SNTG1: variants seen among roughly 807,000 people sequenced by gnomAD.
SNTG1 encodes the protein gamma-1-syntrophin.
A neutral mutation model predicts 74.7 loss-of-function variants in SNTG1; 39 were observed. The observed-to-expected ratio is 0.52, with a 90% CI of 0.40 to 0.68. SNTG1 has a LOEUF of 0.68. Among genes scored for constraint, SNTG1 ranks in the 30% least tolerant of loss-of-function variants. The pLI is 0.00. For synonymous variants in SNTG1, 254 were observed against 217.1 expected (o/e 1.17, Z -1.49); for missense variants, 685 against 609.5 (o/e 1.12, Z -1.30).
At chr8:50,034,209 A>T (rs1817965211) in intron 1 of SNTG1, among the ~76,000 whole-genome samples, 2 of 152,206 alleles carry the variant, frequency 1.3e-5, no homozygotes, top group Non-Finnish European at 2.9e-5. Flanking sequence ...CAGCAATTGG[A>T]TCATCAAATT....
At chr8:50,680,660 G>C (rs892394550) in intron 15 of SNTG1, among the ~76,000 whole-genome samples, 1 of 152,122 alleles carries the variant, frequency 6.6e-6, no homozygotes, top group Non-Finnish European at 1.5e-5. Context: ...TTCGGAGGCA[G>C]TCTATCTCTA....
intron 1 of SNTG1, among the ~76,000 whole-genome samples, chr8:50,046,077 C>T (rs1464388603): frequency 6.6e-6 from 1 of 152,194 alleles, no homozygotes; most frequent in Non-Finnish European, 1.5e-5. Flanking sequence ...TTATCTTGTG[C>T]TTGTGATCTA....
intron 18 of SNTG1, among the ~76,000 whole-genome samples, chr8:50,788,530 G>C (rs2095682302): frequency 6.6e-6 from 1 of 151,942 alleles, no homozygotes. Flanking sequence ...AAGCGTGTGG[G>C]AGTTGTTTAT....
intron 18 of SNTG1, among the ~76,000 whole-genome samples, chr8:50,787,538 A>C (rs2095679111): frequency 1.3e-5 from 2 of 152,122 alleles, no homozygotes; most frequent in East Asian, 3.9e-4. Flanking sequence ...ACACACAAAA[A>C]AGAAACTCTA....
intron 2 of SNTG1, among the ~76,000 whole-genome samples, chr8:50,268,483 A>G (rs551324535): frequency 6.6e-6 from 1 of 152,254 alleles, no homozygotes; most frequent in South Asian, 2.1e-4. Context: ...GACAATCATG[A>G]ACAAAAAAAG....
intron 1 of SNTG1, among the ~76,000 whole-genome samples, chr8:49,917,547 C>T (rs573954003): frequency 3.3e-4 from 50 of 152,188 alleles, no homozygotes; most frequent in African/African-American, 1.0e-3. Flanking sequence ...GTACATTGAC[C>T]GGGATTTGTT....
chr8:50,768,846 A>T (rs2095620102), intron 18 of SNTG1, among the ~76,000 whole-genome samples: 1 of 151,978 alleles, frequency 6.6e-6, no homozygotes, highest in Non-Finnish European at 1.5e-5. Flanking sequence ...TTAGGACAAA[A>T]ATTGAACTCA....
intron 18 of SNTG1, among the ~76,000 whole-genome samples, chr8:50,777,119 C>A (rs1001845792): frequency 6.6e-6 from 1 of 151,304 alleles, no homozygotes; most frequent in African/African-American, 2.4e-5. Context: ...AGGATGTATT[C>A]TTTCACCAAT....
chr8:50,472,647 A>G (rs532081789), intron 8 of SNTG1, among the ~76,000 whole-genome samples: 21 of 152,300 alleles, frequency 1.4e-4, no homozygotes, highest in African/African-American at 5.1e-4. Flanking sequence ...ATCACAGGCA[A>G]CAACTGAACA....
At position 50,704,650 on chromosome 8, in the gene SNTG1, G is replaced by T. The variant is rs1211821546; in HGVS notation, c.1089G>T (p.Glu363Asp). The change falls in exon 16 of 19, where the codon GAG becomes GAT. Residue 363 changes from glutamate (E) to aspartate (D), a missense_variant. Coordinates refer to ENST00000642720, the MANE Select transcript of SNTG1 (RefSeq NM_018967.5). ...AACAGTGCTTCACCGTGCAGTCTGA[G>T]TCTGGGGAGGACCTGTACTTCTCAG... ...RRKQCFTVQS[E>D]SGEDLYFSVE... 6.2e-7 allele frequency: 1 copy of T among 1,614,148 alleles called. No homozygotes were observed. Among genetic ancestry groups the T allele is most frequent in the East Asian group, 2.2e-5 (1 of 44,868 alleles).
chr8:50,374,518 C>T lies in SNTG1; in HGVS notation c.-27-19694C>T, dbSNP rs182978872. On this transcript the variant is annotated intron_variant, in intron 2 of 18. Coordinates refer to ENST00000642720, the MANE Select transcript of SNTG1 (RefSeq NM_018967.5). ...AAGGCGCACAAAAGATCTTCATTTT[C>T]TGTCCTTTCTGTTTTCAGCCTCTTC... Among the ~76,000 whole-genome samples the T allele has an allele frequency of 2.7e-4, 41 of 152,244 alleles. 1 individual carries two copies. In the East Asian group the frequency reaches 4.7e-3, roughly 17 times the overall value.
At chr8:50,193,782 A>G (rs1383341886) in intron 2 of SNTG1, among the ~76,000 whole-genome samples, 2 of 152,102 alleles carry the variant, frequency 1.3e-5, no homozygotes, top group Non-Finnish European at 1.5e-5. Flanking sequence ...ACATTTCCCC[A>G]TTCAGTATTA....
At chr8:50,778,892 G>C (rs1370584408) in intron 18 of SNTG1, among the ~76,000 whole-genome samples, 1 of 152,138 alleles carries the variant, frequency 6.6e-6, no homozygotes, top group African/African-American at 2.4e-5. Context: ...AAGGTGTAAG[G>C]AAGGGATCCA....
At chr8:50,041,684 T>C (rs541898849) in intron 1 of SNTG1, among the ~76,000 whole-genome samples, 1 of 152,298 alleles carries the variant, frequency 6.6e-6, no homozygotes, top group African/African-American at 2.4e-5. Context: ...CATATTTGTG[T>C]CCCAGTTGAA....
intron 15 of SNTG1, among the ~76,000 whole-genome samples, chr8:50,704,158 T>A (rs2095435661): frequency 6.6e-6 from 1 of 152,190 alleles, no homozygotes; most frequent in South Asian, 2.1e-4. Flanking sequence ...TTAGACTCAT[T>A]TTCTTTTTCA....
At chr8:50,358,093 C>T (rs1021392284) in intron 2 of SNTG1, among the ~76,000 whole-genome samples, 1 of 152,044 alleles carries the variant, frequency 6.6e-6, no homozygotes, top group Non-Finnish European at 1.5e-5. Flanking sequence ...GATTGTGTCC[C>T]ACCATGTGGC....
chr8:50,361,513 T>A (rs768803414), intron 2 of SNTG1, among the ~76,000 whole-genome samples: 3 of 152,190 alleles, frequency 2.0e-5, no homozygotes, highest in Non-Finnish European at 4.4e-5. Flanking sequence ...TTTTGTTTGC[T>A]TGTTTGTTTA....
chr8:50,685,126 A>G (rs1198295553), intron 15 of SNTG1, among the ~76,000 whole-genome samples: 1 of 152,180 alleles, frequency 6.6e-6, no homozygotes, highest in African/African-American at 2.4e-5. Context: ...ATAAATCAGT[A>G]AGGATGCTAT....
At chr8:50,007,501 A>C (rs1231246734) in intron 1 of SNTG1, among the ~76,000 whole-genome samples, 1 of 152,130 alleles carries the variant, frequency 6.6e-6, no homozygotes, top group East Asian at 1.9e-4. Flanking sequence ...CTGGAGGGGA[A>C]AATAAAGATT....
Sources: gnomAD v4.1 joint callset for allele counts (sites outside exome capture counted in the v4.1 genomes callset) on GRCh38, gnomAD v4.1.1 for gene constraint, MANE v1.5 for transcripts, NCBI Gene and HGNC (gene_info 2026-07-23, HGNC 2026-07-21) for gene names.